The following TIAM2 variants were observed in gnomAD, a reference collection of about 807,000 sequenced individuals.
TIAM2 encodes TIAM Rac1 associated GEF 2, also known as rho guanine nucleotide exchange factor TIAM2.
TIAM2 carries 80 observed loss-of-function variants against 152.9 expected under a neutral mutation model. The ratio of observed to expected loss-of-function variants is 0.52; its 90% CI spans 0.44 to 0.63. The LOEUF is 0.63. TIAM2 is among the 30% of genes least tolerant of loss of function. The probability of loss-of-function intolerance (pLI) is 0.00; values close to 1 mark genes in which losing one functional copy is unlikely to be tolerated. For synonymous variants in TIAM2, 804 were observed against 838.0 expected (o/e 0.96, Z 0.70); for missense variants, 1,965 against 2,120.1 (o/e 0.93, Z 1.44).
intron 13 of TIAM2, 56 bp downstream of exon 13, chr6:155,182,374 G>T (rs1780924109): frequency 7.2e-7 from 1 of 1,393,878 alleles, no homozygotes; most frequent in Non-Finnish European, 1.0e-6. Context: ...GTGGGATACA[G>T]TCTGGCTAGT....
intron 4 of TIAM2, among the ~76,000 whole-genome samples, chr6:155,136,150 C>T (rs1381094460): frequency 4.8e-5 from 7 of 146,048 alleles, no homozygotes; most frequent in Non-Finnish European, 7.5e-5. Flanking sequence ...GCCAAGATTG[C>T]GCCATTGCAC....
chr6:155,164,554 C>T lies in TIAM2; in HGVS notation c.2168C>T (p.Ala723Val), dbSNP rs370617919. The T allele has an allele frequency of 2.5e-6, 4 of 1,614,000 alleles. No individual in the cohort carries two copies. Among genetic ancestry groups the T allele is most frequent in the Admixed American group, 3.3e-5 (2 of 60,002 alleles). Residue 723 changes from alanine to valine, a missense_variant, in exon 8 of 27, where the codon GCC becomes GTC. Physicochemically the swap from Ala to Val is moderately conservative, Grantham distance 64. Transcript: ENST00000682666. ...GCCGCCAGCCGCCCCTCCAAGCTGG[C>T]CCTCGGCAGGCTGGGCATCTTGTCT... is the stretch of plus-strand genomic sequence containing the variant. ...LAAASRPSKL[A>V]LGRLGILSVS...
chr6:155,107,036 C>T (rs1778709528), intron 2 of TIAM2, among the ~76,000 whole-genome samples: 1 of 152,124 alleles, frequency 6.6e-6, no homozygotes, highest in African/African-American at 2.4e-5. Context: ...GACACTGTTT[C>T]CTGGCTTACC....
intron 1 of TIAM2, among the ~76,000 whole-genome samples, chr6:155,031,113 T>C (rs1433306293): frequency 6.6e-6 from 1 of 152,202 alleles, no homozygotes; most frequent in Admixed American, 6.5e-5. Flanking sequence ...TATTTAACCC[T>C]TTGACAGTAT....
At chr6:155,233,217 G>A (rs3749870) in intron 15 of TIAM2, among the ~76,000 whole-genome samples, 7 of 151,984 alleles carry the variant, frequency 4.6e-5, no homozygotes, top group African/African-American at 1.5e-4. Flanking sequence ...ATTCCAAAAC[G>A]CACAGGAAAG....
chr6:155,116,209 A>G (rs1779007512), intron 2 of TIAM2, among the ~76,000 whole-genome samples: 2 of 152,214 alleles, frequency 1.3e-5, no homozygotes, highest in Admixed American at 1.3e-4. Context: ...AAACTATACC[A>G]ACTAGTATAT....
chr6:155,029,435 ATATTATAC>A (rs1562295095), intron 1 of TIAM2, among the ~76,000 whole-genome samples: 11 of 43,998 alleles, frequency 2.5e-4, no homozygotes, highest in Admixed American at 1.8e-3. Context: ...ACTATAGTAT[ATATTATAC>A]TATAGTATAT....
chr6:155,062,101 C>T (rs1223190408), intron 1 of TIAM2, among the ~76,000 whole-genome samples: 12 of 149,778 alleles, frequency 8.0e-5, no homozygotes, highest in Non-Finnish European at 1.6e-4. Context: ...CCACCGCCCC[C>T]GCGCACCACC....
At position 155,250,105 on chromosome 6, in the gene TIAM2, T is replaced by C. The variant is rs1469852175; in HGVS notation, c.3951+136T>C. The C allele has an allele frequency of 1.8e-5, 11 of 619,266 alleles. No homozygotes were observed. The Admixed American group carries it at 2.7e-4, about 15-fold the overall frequency. The allele number at this position is 619,266 out of a possible 1,614,324, so 38.4% of individuals were successfully genotyped here. A position where few individuals can be genotyped will look rare whatever the true frequency, so the allele number is the denominator to read the frequency against. On this transcript the variant is annotated intron_variant, in intron 21 of 26. Transcript: ENST00000682666. Reference sequence around the variant, plus strand: ...AGATTTTTCTTGATAACAATGTGTCTAATGAACTACACAATTTACATATAG... The same window carrying C: ...AGATTTTTCTTGATAACAATGTGTCCAATGAACTACACAATTTACATATAG...
chr6:155,122,015 C>T (rs1015718806), intron 2 of TIAM2: 1 of 152,308 alleles, frequency 6.6e-6, no homozygotes, highest in African/African-American at 2.4e-5. Flanking sequence ...GTAAATGCCA[C>T]ACTACATGGA....
At chr6:155,089,133 A>G (rs1224017048) in intron 1 of TIAM2, among the ~76,000 whole-genome samples, 1 of 152,016 alleles carries the variant, frequency 6.6e-6, no homozygotes, top group Admixed American at 6.6e-5. Flanking sequence ...GTTTTAATAT[A>G]TAACCAGGTG....
At chr6:155,245,466 G>A (rs1783262646) in intron 18 of TIAM2, among the ~76,000 whole-genome samples, 157 bp from the exon 19 acceptor site, 1 of 152,210 alleles carries the variant, frequency 6.6e-6, no homozygotes, top group South Asian at 2.1e-4. Context: ...GAGCGCCTGG[G>A]CTGTTCCCCA....
At chr6:155,046,289 A>G (rs556799744) in intron 1 of TIAM2, among the ~76,000 whole-genome samples, 25 of 145,848 alleles carry the variant, frequency 1.7e-4, no homozygotes, top group Non-Finnish European at 2.7e-4. Context: ...TTTCCTTGTA[A>G]TTTTATGGCT....
chr6:155,150,907 CTT>C (rs1168840981), intron 7 of TIAM2, among the ~76,000 whole-genome samples: 2 of 152,180 alleles, frequency 1.3e-5, no homozygotes, highest in African/African-American at 4.8e-5. Context: ...GACACCGTAA[CTT>C]AATGCTTGAA....
At chr6:155,189,636 C>T (rs1345079448) in intron 14 of TIAM2, among the ~76,000 whole-genome samples, 1 of 151,724 alleles carries the variant, frequency 6.6e-6, no homozygotes, top group Non-Finnish European at 1.5e-5. Context: ...TGTTAAATGT[C>T]GAAGGTACAT....
intron 6 of TIAM2, among the ~76,000 whole-genome samples, chr6:155,147,264 C>T (rs1324705575): frequency 1.3e-5 from 2 of 149,376 alleles, no homozygotes; most frequent in Non-Finnish European, 3.0e-5. Context: ...AATGTTTACT[C>T]ATTCTGTTAA....
At position 155,187,517 on chromosome 6, in the gene TIAM2, T is replaced by C. The variant is rs549976856; in HGVS notation, c.3064+4017T>C. Among the ~76,000 whole-genome samples, 160 of 148,960 alleles carry C rather than the reference T, an allele frequency of 1.1e-3. 1 individual carries two copies. Among genetic ancestry groups the C allele is most frequent in the Non-Finnish European group, 1.9e-3 (128 of 67,340 alleles). On this transcript the variant is annotated intron_variant, in intron 14 of 26. Coordinates refer to ENST00000682666, the MANE Select transcript of TIAM2 (RefSeq NM_012454.4). Reference sequence around the variant, plus strand: ...GCAGATTCCAGGGTTTTGCTGTGGGTGCACCTCCTGCAAGAGGCTTGGGGC... The same window carrying C: ...GCAGATTCCAGGGTTTTGCTGTGGGCGCACCTCCTGCAAGAGGCTTGGGGC...
At chr6:155,039,904 G>A (rs1356780207) in intron 1 of TIAM2, among the ~76,000 whole-genome samples, 1 of 152,176 alleles carries the variant, frequency 6.6e-6, no homozygotes, top group Non-Finnish European at 1.5e-5. Flanking sequence ...GCTAGGAAGC[G>A]CCTAGGCACG....
Position 155,257,496 on chromosome 6 carries a change from TGTTA to T in TIAM2, c.*379_*382del, listed in dbSNP as rs1454933474. ...CTCTGGGCATTTTCTTTCAGCTGTT[TGTTA>T]GTTTTTGCTTTATTTAAAGCATATT... On this transcript the variant is annotated 3_prime_UTR_variant, in exon 27 of 27. Coordinates refer to ENST00000682666, the MANE Select transcript of TIAM2 (RefSeq NM_012454.4). The T allele has an allele frequency of 3.0e-6, 1 of 338,900 alleles. No homozygotes were observed. Among genetic ancestry groups the T allele is most frequent in the East Asian group, 7.1e-5 (1 of 14,116 alleles). 21.0% of individuals were successfully genotyped at this position (338,900 alleles called of 1,614,324 possible).
Sources: allele counts gnomAD v4.1 joint callset (sites outside exome capture counted in the v4.1 genomes callset), GRCh38; gene constraint gnomAD v4.1.1; transcripts MANE v1.5; gene names NCBI Gene and HGNC (gene_info 2026-07-23, HGNC 2026-07-21).